The following LRBA variants were observed in gnomAD, a reference collection of about 807,000 sequenced individuals.
LRBA encodes lipopolysaccharide-responsive and beige-like anchor protein.
LRBA carries 176 observed loss-of-function variants against 330.0 expected under a neutral mutation model. That is an observed-to-expected ratio of 0.53 (90% CI 0.47 to 0.60). The LOEUF (loss-of-function observed/expected upper bound fraction) is 0.60, where lower values mean the gene tolerates loss of function less well. Ranked by LOEUF, LRBA falls within the 20% of genes least tolerant of loss-of-function variation. The pLI is 0.00. For missense variants in LRBA, 3,259 were observed against 3,444.8 expected (o/e 0.95, Z 1.35); for synonymous variants, 1,230 against 1,193.0 (o/e 1.03, Z -0.64).
chr4:150,920,192 T>G (rs1358195496), intron 5 of LRBA, among the ~76,000 whole-genome samples: 1 of 152,118 alleles, frequency 6.6e-6, no homozygotes, highest in Non-Finnish European at 1.5e-5. Flanking sequence ...TTATGAGAAC[T>G]AACATAAAAA....
chr4:150,627,538 T>C (rs1157950827), intron 37 of LRBA, among the ~76,000 whole-genome samples: 3 of 152,010 alleles, frequency 2.0e-5, no homozygotes, highest in Non-Finnish European at 2.9e-5. Flanking sequence ...TCTAAAATAC[T>C]GTAATTAAAA....
At chr4:150,520,643 G>C (rs559342555) in intron 40 of LRBA, among the ~76,000 whole-genome samples, 1 of 152,194 alleles carries the variant, frequency 6.6e-6, no homozygotes, top group South Asian at 2.1e-4. Context: ...CAGCAACATG[G>C]ATACAGCTAG....
At chr4:150,669,313 G>T (rs1295521041) in intron 37 of LRBA, among the ~76,000 whole-genome samples, 1 of 152,006 alleles carries the variant, frequency 6.6e-6, no homozygotes, top group Non-Finnish European at 1.5e-5. Context: ...TTATCTAAAT[G>T]AAAAAGTTTA....
chr4:150,821,769 G>C (rs920176037), intron 30 of LRBA, among the ~76,000 whole-genome samples: 16 of 152,052 alleles, frequency 1.1e-4, no homozygotes, highest in African/African-American at 3.9e-4. Context: ...TAAATCCCTG[G>C]CATTCACTAA....
At chr4:150,511,995 A>G (rs537086848) in intron 40 of LRBA, among the ~76,000 whole-genome samples, 7 of 152,220 alleles carry the variant, frequency 4.6e-5, no homozygotes, top group Non-Finnish European at 1.0e-4. Context: ...CAATTACTGA[A>G]GGCAGATACT....
intron 47 of LRBA, among the ~76,000 whole-genome samples, chr4:150,382,962 T>C (rs1178863379): frequency 2.0e-5 from 3 of 152,330 alleles, no homozygotes; most frequent in Admixed American, 1.3e-4. Context: ...GGTAAACAAG[T>C]ACTGAAATAT....
chr4:150,628,658 G>A (rs188541190), intron 37 of LRBA, among the ~76,000 whole-genome samples: 62 of 152,270 alleles, frequency 4.1e-4, no homozygotes, highest in Non-Finnish European at 6.3e-4. Flanking sequence ...TCTGCATGGT[G>A]AAGTGTTAAA....
At chr4:150,455,256 A>G (rs1753917264) in intron 44 of LRBA, among the ~76,000 whole-genome samples, 1 of 152,028 alleles carries the variant, frequency 6.6e-6, no homozygotes, top group African/African-American at 2.4e-5. Flanking sequence ...TAGAAATACC[A>G]TTTGACCCAG....
At chr4:150,794,085 C>G (rs1296861057) in intron 34 of LRBA, among the ~76,000 whole-genome samples, 1 of 152,062 alleles carries the variant, frequency 6.6e-6, no homozygotes, top group Non-Finnish European at 1.5e-5. Flanking sequence ...TAAGCAGCAG[C>G]TAACAAAAGT....
chr4:150,998,010 T>A (rs1742873896), intron 2 of LRBA, among the ~76,000 whole-genome samples: 1 of 151,820 alleles, frequency 6.6e-6, no homozygotes, highest in Admixed American at 6.6e-5. Context: ...GGCCAAACAG[T>A]CTATAATTGT....
In LRBA at chr4:150,683,016, G is replaced by C. The variant is rs184375950; in HGVS notation, c.5921+535C>G. On this transcript the variant is annotated intron_variant, in intron 37 of 56. Coordinates refer to ENST00000651943, the MANE Select transcript of LRBA (RefSeq NM_001364905.1). ...TATCTTAAAAGAAGGTAGATATATTGAGTAAAACTTTAAAGAAGGCATTTA... is the reference window on the plus strand; with the variant it reads ...TATCTTAAAAGAAGGTAGATATATTCAGTAAAACTTTAAAGAAGGCATTTA... Among the ~76,000 whole-genome samples the C allele has an allele frequency of 9.9e-5, 15 of 151,976 alleles. No individual in the cohort carries two copies. The East Asian group carries it at 1.9e-3, about 20-fold the overall frequency.
chr4:150,352,641 G>A lies in LRBA; in HGVS notation c.7195-2482C>T, dbSNP rs1737335278. On this transcript the variant is annotated intron_variant, in intron 47 of 56. Transcript: ENST00000651943. ...AGAGAGGAGCTTGTGATAACTTTAAGTAAATGCCTATTTTAAGTACATAAA... is the reference window on the plus strand; with the variant it reads ...AGAGAGGAGCTTGTGATAACTTTAAATAAATGCCTATTTTAAGTACATAAA... Among the ~76,000 whole-genome samples the A allele has an allele frequency of 2.0e-5, 3 of 152,114 alleles. No individual in the cohort carries two copies. The South Asian group carries it at 6.2e-4, about 31-fold the overall frequency.
At chr4:150,711,593 A>G (rs972657301) in intron 36 of LRBA, among the ~76,000 whole-genome samples, 2 of 152,174 alleles carry the variant, frequency 1.3e-5, no homozygotes, top group African/African-American at 4.8e-5. Context: ...TTAAAATAGC[A>G]TTGTCAGGTA....
chr4:150,880,348 T>C (rs1185537680), intron 17 of LRBA, among the ~76,000 whole-genome samples: 1 of 152,096 alleles, frequency 6.6e-6, no homozygotes, highest in Non-Finnish European at 1.5e-5. Flanking sequence ...GGTGAAACTC[T>C]GTCTCTACAA....
chr4:150,380,574 T>TAA (rs879741224), intron 47 of LRBA, among the ~76,000 whole-genome samples: 2 of 138,824 alleles, frequency 1.4e-5, no homozygotes. Context: ...AATTACTGAC[T>TAA]AAAAAAAAAA....
intron 23 of LRBA, 123 bp from the exon 24 acceptor site, chr4:150,851,025 C>A: frequency 3.4e-6 from 2 of 595,094 alleles, no homozygotes; most frequent in Admixed American, 3.4e-5. Context: ...CTATAAGAAC[C>A]AAATTAGAGA....
intron 34 of LRBA, among the ~76,000 whole-genome samples, chr4:150,778,328 A>T (rs1208682658): frequency 6.6e-6 from 1 of 152,210 alleles, no homozygotes; most frequent in Admixed American, 6.5e-5. Context: ...AAAGAACTGA[A>T]TAAAGAGAAA....
At chr4:150,282,784 G>A (rs548485745) in intron 54 of LRBA, 138 bp from the exon 55 acceptor site, 4 of 615,362 alleles carry the variant, frequency 6.5e-6, no homozygotes, top group East Asian at 5.8e-5. Flanking sequence ...TCCATCTTAC[G>A]TGTAAGTTAT....
At chr4:150,804,488 G>A (rs1197660951) in intron 33 of LRBA, among the ~76,000 whole-genome samples, 1 of 152,098 alleles carries the variant, frequency 6.6e-6, no homozygotes, top group African/African-American at 2.4e-5. Flanking sequence ...CTATAACCTT[G>A]CATTTCCATT....
Sources: allele counts gnomAD v4.1 joint callset (sites outside exome capture counted in the v4.1 genomes callset), GRCh38; gene constraint gnomAD v4.1.1; transcripts MANE v1.5; gene names NCBI Gene and HGNC (gene_info 2026-07-23, HGNC 2026-07-21).